Variants in ARHGEF17 observed in about 807,000 individuals in gnomAD.
ARHGEF17 encodes Rho guanine nucleotide exchange factor 17, also known as 164 kDa Rho-specific guanine-nucleotide exchange factor.
ARHGEF17 carries 80 observed loss-of-function variants against 174.0 expected under a neutral mutation model. The observed-to-expected ratio is 0.46, with a 90% confidence interval of 0.38 to 0.55. ARHGEF17 has a LOEUF of 0.55. Ranked by LOEUF, ARHGEF17 falls within the 20% of genes least tolerant of loss-of-function variation. The pLI, the probability that ARHGEF17 is intolerant of heterozygous loss-of-function variation, is 0.00. For synonymous variants in ARHGEF17, 1,311 were observed against 1,189.1 expected (o/e 1.10, Z -2.11); for missense variants, 2,886 against 2,839.7 (o/e 1.02, Z -0.37).
intron 1 of ARHGEF17, among the ~76,000 whole-genome samples, chr11:73,328,461 A>G (rs1419856535): frequency 6.6e-6 from 1 of 152,140 alleles, no homozygotes; most frequent in African/African-American, 2.4e-5. Flanking sequence ...TGACCCCAGG[A>G]CCTTCCTCCA....
chr11:73,346,043 A>G (rs1233042190), intron 1 of ARHGEF17, among the ~76,000 whole-genome samples: 1 of 152,052 alleles, frequency 6.6e-6, no homozygotes, highest in Non-Finnish European at 1.5e-5. Context: ...AAGGCATCCC[A>G]GACAGGGATG....
In ARHGEF17 at chr11:73,357,146, G is replaced by A; in HGVS notation, c.4001+12G>A. The A allele has an allele frequency of 6.2e-7, 1 of 1,613,918 alleles. No homozygotes were observed. The highest frequency in any genetic ancestry group is 8.5e-7 in the Non-Finnish European group (1 of 1,179,910). ...AGCTCCATGAGCCTGTGAGTGGCTGGGCCGGGGTTTGGGTGGTGCCAACAG... is the reference window on the plus strand; with the variant it reads ...AGCTCCATGAGCCTGTGAGTGGCTGAGCCGGGGTTTGGGTGGTGCCAACAG... On this transcript the variant is annotated intron_variant, in intron 8 of 20. Transcript: ENST00000263674.
chr11:73,360,236 G>A, intron 10 of ARHGEF17, 84 bp from the exon 11 acceptor site: 1 of 1,472,594 alleles, frequency 6.8e-7, no homozygotes, highest in Non-Finnish European at 9.4e-7. Flanking sequence ...TGTCTAAGGA[G>A]AGAGGCAGGT....
At chr11:73,312,270 A>G (rs1234618819) in intron 1 of ARHGEF17, among the ~76,000 whole-genome samples, 4 of 152,170 alleles carry the variant, frequency 2.6e-5, no homozygotes, top group South Asian at 2.1e-4. Flanking sequence ...CAGGGGCCAC[A>G]GTTGACATGG....
intron 1 of ARHGEF17, among the ~76,000 whole-genome samples, chr11:73,329,322 CATATAT>C (rs1164051322): frequency 4.6e-4 from 7 of 15,312 alleles, no homozygotes; most frequent in African/African-American, 1.4e-3. Flanking sequence ...TGAGAGCTTT[CATATAT>C]ATATATATAT....
Position 73,362,457 on chromosome 11 carries a change from T to A in ARHGEF17, c.4719T>A (p.Ser1573Arg). The A allele has an allele frequency of 6.3e-7, 1 of 1,580,484 alleles. No homozygotes were observed. ...GGGAGCCTCCTCCGTCGCTGAGGAG[T>A]CCTCCAGAGACGGCACCGGAGCCCG... ...CHREPPPSLR[S>R]PPETAPEPAG... is the part of the protein sequence containing the mutation. Residue 1573 changes from serine to arginine, a missense_variant, in exon 14 of 21, where the codon AGT (serine) becomes AGA (arginine). This residue lies in a region of ARHGEF17 where 476 missense variants were observed against 473.1 expected (regional missense o/e 1.01). Transcript: ENST00000263674.
At chr11:73,358,168 T>G (rs1458715896) in intron 9 of ARHGEF17, among the ~76,000 whole-genome samples, 1 of 152,174 alleles carries the variant, frequency 6.6e-6, no homozygotes, top group African/African-American at 2.4e-5. Flanking sequence ...ATGGGACAGT[T>G]TCTGTCAAAA....
chr11:73,343,356 C>T, intron 1 of ARHGEF17: 1 of 387,712 alleles, frequency 2.6e-6, no homozygotes, highest in Non-Finnish European at 4.6e-6. Context: ...ACCCAGGAGA[C>T]GGTGGGGGGA....
intron 17 of ARHGEF17, 33 bp from the exon 18 acceptor site, chr11:73,364,419 A>G (rs1381555362): frequency 1.2e-6 from 2 of 1,612,688 alleles, no homozygotes; most frequent in South Asian, 1.1e-5. Context: ...TTAGAACTGG[A>G]GTGAATTTCC....
chr11:73,326,419 C>A (rs1372282644), intron 1 of ARHGEF17, among the ~76,000 whole-genome samples: 1 of 152,130 alleles, frequency 6.6e-6, no homozygotes, highest in East Asian at 1.9e-4. Flanking sequence ...GGACTTGATC[C>A]CAGAGTGGTA....
At chr11:73,337,695 C>T (rs1865308569) in intron 1 of ARHGEF17, among the ~76,000 whole-genome samples, 1 of 152,146 alleles carries the variant, frequency 6.6e-6, no homozygotes, top group Admixed American at 6.5e-5. Context: ...GCTGGGATTA[C>T]AGGCGTGAAC....
chr11:73,364,943 A>T (rs1176874682), intron 18 of ARHGEF17: 4 of 314,372 alleles, frequency 1.3e-5, no homozygotes, highest in Non-Finnish European at 2.3e-5. Context: ...ATTGCTGCAC[A>T]TGTCACTTGC....
chr11:73,360,985 C>T, intron 11 of ARHGEF17, 103 bp from the exon 12 acceptor site: 1 of 942,820 alleles, frequency 1.1e-6, no homozygotes. Context: ...CCTAAAGAGA[C>T]CCTGAGGGGC....
chr11:73,311,907 A>G (rs1864844918), intron 1 of ARHGEF17, 77 bp downstream of exon 1: 4 of 1,486,864 alleles, frequency 2.7e-6, no homozygotes, highest in Admixed American at 2.2e-5. Flanking sequence ...AGCCTTTTGC[A>G]TTGTATTCAC....
Position 73,363,310 on chromosome 11 carries a change from G to C in ARHGEF17, c.5101G>C (p.Gly1701Arg). The change falls in exon 15 of 21, where the codon GGT becomes CGT. Residue 1701 changes from glycine to arginine, a missense_variant. Physicochemically the swap from Gly to Arg is moderately radical, Grantham distance 125 (BLOSUM62 -2). Coordinates refer to ENST00000263674, the MANE Select transcript of ARHGEF17 (RefSeq NM_014786.4). ...ACTGTCTGGCTCCTTTGGGCCTGGT[G>C]GTCCCTGCGGCACCAGCCCAATGGA... ...LPLSGSFGPG[G>R]PCGTSPMDGR... 2 of 1,612,698 alleles carry C rather than the reference G, an allele frequency of 1.2e-6. No homozygotes were observed. Among genetic ancestry groups the C allele is most frequent in the Non-Finnish European group, 1.7e-6 (2 of 1,179,732 alleles).
At chr11:73,326,786 C>T (rs935934598) in intron 1 of ARHGEF17, among the ~76,000 whole-genome samples, 1 of 152,156 alleles carries the variant, frequency 6.6e-6, no homozygotes, top group African/African-American at 2.4e-5. Flanking sequence ...CTAGAGGAAT[C>T]TTGACACAGA....
intron 3 of ARHGEF17, among the ~76,000 whole-genome samples, chr11:73,355,083 G>A (rs1201071074): frequency 2.0e-5 from 3 of 152,242 alleles, no homozygotes; most frequent in Non-Finnish European, 4.4e-5. Flanking sequence ...GAGGCGGGGC[G>A]AGATTTGGAT....
In ARHGEF17 at chr11:73,309,915, G is replaced by A. The variant is rs774328178; in HGVS notation, c.1277G>A (p.Gly426Glu). The part of the protein sequence containing the change: ...YRSPSFGAGE[G>E]LLRSQARTRA... ...TCCCCTAGCTTTGGAGCTGGGGAAG[G>A]GCTCCTGCGGTCCCAGGCTCGAACC... The change falls in exon 1 of 21, where the codon GGG becomes GAG. Residue 426 changes from glycine to glutamate, a missense_variant. This residue lies in a region of ARHGEF17 where 1,728 missense variants were observed against 1,461.2 expected (regional missense o/e 1.18). Coordinates refer to ENST00000263674, the MANE Select transcript of ARHGEF17 (RefSeq NM_014786.4). 25 of 1,613,244 alleles carry A rather than the reference G, an allele frequency of 1.5e-5. No individual in the cohort carries two copies. Among genetic ancestry groups the A allele is most frequent in the East Asian group, 2.2e-5 (1 of 44,862 alleles).
chr11:73,330,799 C>T (rs535840545), intron 1 of ARHGEF17, among the ~76,000 whole-genome samples: 31 of 152,186 alleles, frequency 2.0e-4, no homozygotes, highest in Non-Finnish European at 4.3e-4. Context: ...GTGGAGCTAG[C>T]GCCCACTCAG....
Sources: allele counts gnomAD v4.1 joint callset (sites outside exome capture counted in the v4.1 genomes callset), GRCh38; gene constraint gnomAD v4.1.1; regional missense constraint gnomAD v4.1.1; transcripts MANE v1.5; gene names NCBI Gene and HGNC (gene_info 2026-07-23, HGNC 2026-07-21).